The following DCBLD2 variants were observed in gnomAD, a reference collection of about 807,000 sequenced individuals.
DCBLD2 encodes the protein discoidin, CUB and LCCL domain containing 2.
DCBLD2 carries 54 observed loss-of-function variants against 86.8 expected under a neutral mutation model. The observed-to-expected ratio is 0.62, with a 90% confidence interval of 0.50 to 0.78. The LOEUF (loss-of-function observed/expected upper bound fraction) is 0.78, where lower values mean the gene tolerates loss of function less well. DCBLD2 is among the 30% of genes least tolerant of loss of function. The pLI, the probability that DCBLD2 is intolerant of heterozygous loss-of-function variation, is 0.00. For missense variants in DCBLD2, 908 were observed against 954.2 expected, an observed-to-expected ratio of 0.95 and a Z score of 0.64; for synonymous variants, 354 against 341.3, an observed-to-expected ratio of 1.04 and a Z score of -0.41.
intron 1 of DCBLD2, among the ~76,000 whole-genome samples, chr3:98,885,242 A>G (rs1323092960): frequency 2.6e-5 from 4 of 152,112 alleles, no homozygotes; most frequent in African/African-American, 9.7e-5. Flanking sequence ...ACCAGAAACT[A>G]AAGTTAACAA....
chr3:98,881,703 T>G lies in DCBLD2; in HGVS notation c.270A>C (p.Pro90=). 6.2e-7 allele frequency: 1 copy of G among 1,613,948 alleles called. No individual in the cohort carries two copies. The highest frequency in any genetic ancestry group is 1.3e-5 in the African/African-American group (1 of 75,036). ...ESGTLTSINY[P]QTYPNSTVCE... ...AAACAGTGCTGTTGGGATAGGTCTG[T>G]GGGTAGTTTATGGATGTAAGGGTTC... is the stretch of plus-strand genomic sequence containing the variant. The change falls in exon 2 of 16, where the codon CCA becomes CCC. Residue 90 remains proline, a synonymous_variant. Transcript: ENST00000326840.
chr3:98,845,429 A>T (rs951011316), intron 3 of DCBLD2, among the ~76,000 whole-genome samples: 14 of 152,146 alleles, frequency 9.2e-5, no homozygotes, highest in Admixed American at 6.5e-5. Flanking sequence ...CCTATAGAAG[A>T]TATGTCTGAC....
intron 3 of DCBLD2, among the ~76,000 whole-genome samples, chr3:98,845,293 G>C (rs1942700942): frequency 6.6e-6 from 1 of 152,086 alleles, no homozygotes; most frequent in African/African-American, 2.4e-5. Flanking sequence ...TCCAGGTAGA[G>C]AGCCCAAGAT....
At chr3:98,870,676 GAGAAATAGAGAAAGAAAA>G (rs1943245713) in intron 2 of DCBLD2, among the ~76,000 whole-genome samples, 2 of 144,494 alleles carry the variant, frequency 1.4e-5, no homozygotes, top group African/African-American at 5.1e-5. Context: ...GAGAGAGAGA[GAGAAATAGAGAAAGAAAA>G]AGAGAGAGAA....
Position 98,899,020 on chromosome 3 carries a change from AGGTAC to A in DCBLD2, c.205+2097_205+2101del, listed in dbSNP as rs573647873. ...CTCACCTTAATGATGTAGAAAACTGAGGTACAAAGAGATTAAATATTAAATGATTT... is the reference window on the plus strand; with the variant it reads ...CTCACCTTAATGATGTAGAAAACTGAAAAGAGATTAAATATTAAATGATTT... On this transcript the variant is annotated intron_variant, in intron 1 of 15. Coordinates refer to ENST00000326840, the MANE Select transcript of DCBLD2 (RefSeq NM_080927.4). Among the ~76,000 whole-genome samples the A allele has an allele frequency of 9.9e-4, 151 of 152,118 alleles. 2 individuals are homozygous for A. The South Asian group carries it at 0.015, about 15-fold the overall frequency.
chr3:98,861,299 C>T (rs1943038967), intron 2 of DCBLD2, among the ~76,000 whole-genome samples: 2 of 121,812 alleles, frequency 1.6e-5, no homozygotes, highest in African/African-American at 6.1e-5. Flanking sequence ...ACCCCACTGT[C>T]AGCATTAGAC....
chr3:98,859,306 A>G (rs961985941), intron 2 of DCBLD2, among the ~76,000 whole-genome samples: 1 of 152,220 alleles, frequency 6.6e-6, no homozygotes. Flanking sequence ...GGGGCAGGGC[A>G]TAGCCAAACA....
intron 13 of DCBLD2, among the ~76,000 whole-genome samples, chr3:98,803,601 G>A (rs1442266782): frequency 1.3e-5 from 2 of 152,200 alleles, no homozygotes; most frequent in Non-Finnish European, 1.5e-5. Context: ...AGTGGTGAGA[G>A]AGGGCATCCC....
intron 2 of DCBLD2, among the ~76,000 whole-genome samples, chr3:98,870,743 AAG>A (rs1352479204): frequency 6.0e-5 from 5 of 82,742 alleles, no homozygotes; most frequent in African/African-American, 1.4e-4. Flanking sequence ...AAGAAAAAGA[AAG>A]AAAGAAAGAA....
At chr3:98,874,739 TAAG>T (rs1943338611) in intron 2 of DCBLD2, among the ~76,000 whole-genome samples, 1 of 152,190 alleles carries the variant, frequency 6.6e-6, no homozygotes, top group Non-Finnish European at 1.5e-5. Context: ...AGTGTACTTA[TAAG>T]AAGAGACATA....
At chr3:98,811,075 C>G in intron 12 of DCBLD2, 119 bp downstream of exon 12, 1 of 1,163,756 alleles carries the variant, frequency 8.6e-7, no homozygotes, top group Non-Finnish European at 1.2e-6. Context: ...TTTTTTTTTG[C>G]TATACTTAAA....
intron 3 of DCBLD2, among the ~76,000 whole-genome samples, chr3:98,847,613 T>C (rs1462323092): frequency 6.6e-6 from 1 of 152,172 alleles, no homozygotes. Flanking sequence ...AAGCCCACCA[T>C]AGCTGAGGAG....
chr3:98,840,213 GT>G (rs1356428045), intron 3 of DCBLD2, among the ~76,000 whole-genome samples: 1 of 152,190 alleles, frequency 6.6e-6, no homozygotes, highest in East Asian at 1.9e-4. Flanking sequence ...TGAGGTAAAA[GT>G]TGGAACCTGA....
At chr3:98,813,033 T>G (rs1442125145) in intron 9 of DCBLD2, 1 of 152,220 alleles carries the variant, frequency 6.6e-6, no homozygotes, top group East Asian at 1.9e-4. Flanking sequence ...ATTATCCCGG[T>G]TTTTGTTCCA....
intron 2 of DCBLD2, among the ~76,000 whole-genome samples, chr3:98,856,783 T>C (rs573413382): frequency 1.3e-5 from 2 of 151,524 alleles, no homozygotes; most frequent in African/African-American, 2.4e-5. Context: ...AATTAAGACA[T>C]TATAAAGTGC....
At chr3:98,819,963 A>C (rs1942089116) in intron 7 of DCBLD2, among the ~76,000 whole-genome samples, 1 of 152,244 alleles carries the variant, frequency 6.6e-6, no homozygotes, top group Non-Finnish European at 1.5e-5. Context: ...CATAAAGAGA[A>C]GGCACTCAGT....
intron 1 of DCBLD2, among the ~76,000 whole-genome samples, chr3:98,897,352 T>C (rs947444487): frequency 1.3e-5 from 2 of 152,180 alleles, no homozygotes; most frequent in Non-Finnish European, 2.9e-5. Context: ...CTAATTTTCA[T>C]TTTGTAAAAT....
intron 15 of DCBLD2, 125 bp from the exon 16 acceptor site, chr3:98,799,966 CTTAATCTGTAAGAACT>C (rs1941687276): frequency 1.3e-6 from 1 of 746,882 alleles, no homozygotes; most frequent in Non-Finnish European, 2.1e-6. Context: ...GCCATCAATA[CTTAATCTGTAAGAACT>C]TTGAAAATTA....
In DCBLD2 at chr3:98,817,867, C is replaced by T. The variant is rs776519085; in HGVS notation, c.1114G>A (p.Val372Met). 8 of 1,613,460 alleles carry T rather than the reference C, an allele frequency of 5.0e-6. No individual in the cohort carries two copies. The African/African-American group carries it at 9.3e-5, about 19-fold the overall frequency. The change falls in exon 9 of 16, where the codon GTG becomes ATG. Residue 372 changes from valine (V) to methionine (M), a missense_variant. Around this residue, in one of 3 missense-constraint regions of DCBLD2, gnomAD observed 606 missense variants for 678.5 expected, o/e 0.89. Transcript: ENST00000326840. ...GCAGACACATAGTAATTGTGCTCCA[C>T]CATGGTGGATCCAGTGGTTATAATG... ...TGIITTGSTM[V>M]EHNYYVSAYR...
Sources: allele counts gnomAD v4.1 joint callset (sites outside exome capture counted in the v4.1 genomes callset), GRCh38; gene constraint gnomAD v4.1.1; regional missense constraint gnomAD v4.1.1; transcripts MANE v1.5; gene names NCBI Gene and HGNC (gene_info 2026-07-23, HGNC 2026-07-21).